CEACAM7: variants seen among roughly 807,000 people sequenced by gnomAD.
CEACAM7 encodes the protein CEA cell adhesion molecule 7.
CEACAM7 carries 24 observed loss-of-function variants against 25.7 expected under a neutral mutation model. The ratio of observed to expected loss-of-function variants is 0.93; its 90% CI spans 0.68 to 1.31. The LOEUF (loss-of-function observed/expected upper bound fraction) is 1.31, where lower values mean the gene tolerates loss of function less well. Among genes scored for constraint, CEACAM7 ranks in the 40% most tolerant of loss-of-function variants. The pLI is 0.00. For synonymous variants in CEACAM7, 144 were observed against 129.4 expected (o/e 1.11, Z -0.77); for missense variants, 324 against 330.1 (o/e 0.98, Z 0.14).
rs782560837 is a variant in CEACAM7, at chr19:41,673,416, A to C, written c.*1360T>G. 1 of 152,244 alleles carries C rather than the reference A, an allele frequency of 6.6e-6. No individual in the cohort carries two copies. The highest frequency in any genetic ancestry group is 1.5e-5 in the Non-Finnish European group (1 of 68,038). 9.4% of individuals were successfully genotyped at this position (152,244 alleles called of 1,614,324 possible). A position where few individuals can be genotyped will look rare whatever the true frequency, so the allele number is the denominator to read the frequency against. On this transcript the variant is annotated 3_prime_UTR_variant, in exon 5 of 5. Coordinates refer to ENST00000401731, the MANE Select transcript of CEACAM7 (RefSeq NM_001291485.2). The stretch of plus-strand genomic sequence containing the variant: ...ACAACAGTAGAACAGTGGGTTTTGT[A>C]AAATGGGAATCCAGGAACAGAAGAA...
Position 41,677,380 on chromosome 19 carries a change from C to G in CEACAM7, c.*32G>C. On this transcript the variant is annotated 3_prime_UTR_variant, in exon 4 of 5. Transcript: ENST00000401731. ...AGGAAAGGTCATAATACCTACCACT[C>G]TTCCCGAAATGCAGAAACTACACCA... 6.6e-7 allele frequency: 1 copy of G among 1,523,030 alleles called. No individual in the cohort carries two copies. The highest frequency in any genetic ancestry group is 9.1e-7 in the Non-Finnish European group (1 of 1,097,160). 94.3% of individuals were successfully genotyped at this position (1,523,030 alleles called of 1,614,324 possible). A position where few individuals can be genotyped will look rare whatever the true frequency, so the allele number is the denominator to read the frequency against.
At chr19:41,687,866 G>A (rs2072244450) in intron 1 of CEACAM7, among the ~76,000 whole-genome samples, 1 of 152,248 alleles carries the variant, frequency 6.6e-6, no homozygotes, top group African/African-American at 2.4e-5. Context: ...ATTTCAAAAT[G>A]TAGCAGCTAG....
chr19:41,677,811 C>A (rs1293581898), intron 3 of CEACAM7, among the ~76,000 whole-genome samples: 2 of 152,096 alleles, frequency 1.3e-5, no homozygotes, highest in Non-Finnish European at 2.9e-5. Context: ...AAACTTCCCA[C>A]TTTTTCATGG....
At chr19:41,687,330 AGTGT>A (rs55639350) in intron 1 of CEACAM7, 109 bp from the exon 2 acceptor site, 213,105 of 770,918 alleles carry the variant, frequency 0.28, 22,361 homozygotes, top group Middle Eastern at 0.36. Context: ...TCTTGAAGTA[AGTGT>A]GTGTGTGTGT....
chr19:41,679,233 C>T (rs1181667380), intron 3 of CEACAM7, among the ~76,000 whole-genome samples: 3 of 152,022 alleles, frequency 2.0e-5, no homozygotes, highest in Non-Finnish European at 4.4e-5. Flanking sequence ...TAATTATATG[C>T]CAACAAGTTA....
chr19:41,682,459 C>T (rs997127756), intron 3 of CEACAM7, among the ~76,000 whole-genome samples: 7 of 152,204 alleles, frequency 4.6e-5, no homozygotes, highest in African/African-American at 1.4e-4. Context: ...CGTCATACAG[C>T]GGGTGACTTC....
At chr19:41,683,753 G>A (rs1555810890) in intron 3 of CEACAM7, 32 bp downstream of exon 3, 2 of 1,611,198 alleles carry the variant, frequency 1.2e-6, no homozygotes, top group African/African-American at 2.7e-5. Context: ...TGGGCTGTCA[G>A]CCTGGGCCAC....
rs950571136 is a variant in CEACAM7 at position 41,673,314 on chromosome 19, A to T, written c.*1462T>A. 6.6e-6 allele frequency: 1 copy of T among 152,156 alleles called. No homozygotes were observed. Among genetic ancestry groups the T allele is most frequent in the Non-Finnish European group, 1.5e-5 (1 of 68,018 alleles). 9.4% of individuals were successfully genotyped at this position (152,156 alleles called of 1,614,324 possible). ...TATAACAAATTCAGTTATAGATACAATTGGCTTTTATTTGTGATTCATGAG... is the reference window on the plus strand; with the variant it reads ...TATAACAAATTCAGTTATAGATACATTTGGCTTTTATTTGTGATTCATGAG... On this transcript the variant is annotated 3_prime_UTR_variant, in exon 5 of 5. Transcript: ENST00000401731.
In CEACAM7 at chr19:41,677,416, A is replaced by G. The variant is rs1600427786; in HGVS notation, c.794T>C (p.Ile265Thr). 6.2e-7 allele frequency: 1 copy of G among 1,610,412 alleles called. No individual in the cohort carries two copies. Among genetic ancestry groups the G allele is most frequent in the Non-Finnish European group, 8.5e-7 (1 of 1,176,590 alleles). ...GCAGAAACTACACCAAGGCTGCTAT[A>G]TCAGAGCCATCCCAGCCAGTACTCC... is the stretch of plus-strand genomic sequence containing the variant. The part of the protein sequence containing the change: ...MIGVLAGMAL[I>T] Residue 265 changes from isoleucine (I) to threonine (T), a missense_variant, in exon 4 of 5, where the codon ATA becomes ACA. Ile to Thr is a moderately conservative substitution (Grantham distance 89). Transcript: ENST00000401731.
At chr19:41,684,173 T>G in intron 2 of CEACAM7, 110 bp from the exon 3 acceptor site, 1 of 1,176,326 alleles carries the variant, frequency 8.5e-7, no homozygotes, top group Admixed American at 2.1e-5. Flanking sequence ...CTCAAGTCCT[T>G]AAAAGCCCAC....
At position 41,674,354 on chromosome 19, in the gene CEACAM7, T is replaced by C. The variant is rs2072093257; in HGVS notation, c.*422A>G. ...ATGACATGACACATCCAACACTCTG[T>C]CAAATTACCTGCACAAGGCGCTGAT... is the stretch of plus-strand genomic sequence containing the variant. On this transcript the variant is annotated 3_prime_UTR_variant, in exon 5 of 5. Coordinates refer to ENST00000401731, the MANE Select transcript of CEACAM7 (RefSeq NM_001291485.2). 1 of 154,264 alleles carries C rather than the reference T, an allele frequency of 6.5e-6. No homozygotes were observed. Among genetic ancestry groups the C allele is most frequent in the African/African-American group, 2.4e-5 (1 of 41,472 alleles). 9.6% of individuals were successfully genotyped at this position (154,264 alleles called of 1,614,324 possible).
chr19:41,683,607 T>C lies in CEACAM7; in HGVS notation c.706+178A>G, dbSNP rs1478604720. Reference sequence around the variant, plus strand: ...AGGACAGGAGCAGCCCCTCCTCTCATATTCTTGGTCAAGGCTGGGTCTGCC... The same window carrying C: ...AGGACAGGAGCAGCCCCTCCTCTCACATTCTTGGTCAAGGCTGGGTCTGCC... On this transcript the variant is annotated intron_variant, in intron 3 of 4. Coordinates refer to ENST00000401731, the MANE Select transcript of CEACAM7 (RefSeq NM_001291485.2). 2.6e-5 allele frequency among the ~76,000 whole-genome samples: 4 copies of C among 152,192 alleles called. No individual in the cohort carries two copies. The East Asian group carries it at 7.7e-4, about 29-fold the overall frequency.
Position 41,687,029 on chromosome 19 carries a change from A to T in CEACAM7, c.257T>A (p.Ile86Lys). ...GGGCCCTGGGGCATTTTCTTGACTT[A>T]TATTTTTTACATATCCTATAATTCG... ...NYRIIGYVKNISQENAPGPAH... is the reference protein window; with the variant it reads ...NYRIIGYVKNKSQENAPGPAH... The change falls in exon 2 of 5, where the codon ATA becomes AAA. Residue 86 changes from isoleucine (I) to lysine (K), a missense_variant. By Grantham distance (102) the Ile-to-Lys change is moderately radical. Transcript: ENST00000401731. 6.2e-7 allele frequency: 1 copy of T among 1,613,858 alleles called. No individual in the cohort carries two copies. The highest frequency in any genetic ancestry group is 8.5e-7 in the Non-Finnish European group (1 of 1,179,934).
At chr19:41,682,485 T>C (rs970793857) in intron 3 of CEACAM7, among the ~76,000 whole-genome samples, 3 of 152,180 alleles carry the variant, frequency 2.0e-5, no homozygotes, top group Admixed American at 1.3e-4. Context: ...CAGGCCACAG[T>C]TCAAGAGTCT....
At position 41,679,968 on chromosome 19, in the gene CEACAM7, AT is replaced by A. The variant is rs35163344; in HGVS notation, c.707-2466del. On this transcript the variant is annotated intron_variant, in intron 3 of 4. Coordinates refer to ENST00000401731, the MANE Select transcript of CEACAM7 (RefSeq NM_001291485.2). ...AGGCGTGTGCCACCACACCTGGCTA[AT>A]TTTTTTTTTTTTTTTTTTTTTTTTT... Among the ~76,000 whole-genome samples the A allele has an allele frequency of 6.8e-3, 469 of 68,870 alleles. 2 individuals are homozygous for A. The highest frequency in any genetic ancestry group is 0.011 in the African/African-American group (192 of 16,762). 45.2% of individuals were successfully genotyped at this position (68,870 alleles called of 152,430 possible). A position where few individuals can be genotyped will look rare whatever the true frequency, so the allele number is the denominator to read the frequency against.
At chr19:41,676,692 T>C (rs1235618671) in intron 4 of CEACAM7, among the ~76,000 whole-genome samples, 1 of 152,204 alleles carries the variant, frequency 6.6e-6, no homozygotes, top group Non-Finnish European at 1.5e-5. Flanking sequence ...GCTACCGTCT[T>C]TGTCCTCCAC....
At chr19:41,685,213 C>T (rs951284888) in intron 2 of CEACAM7, among the ~76,000 whole-genome samples, 6 of 152,168 alleles carry the variant, frequency 3.9e-5, no homozygotes, top group Non-Finnish European at 8.8e-5. Flanking sequence ...CCTCTGGCCC[C>T]CTGGTGAGTC....
chr19:41,685,361 G>A (rs1555811100), intron 2 of CEACAM7, among the ~76,000 whole-genome samples: 1 of 107,196 alleles, frequency 9.3e-6, no homozygotes, highest in African/African-American at 3.1e-5. Context: ...GGCTGGTCTT[G>A]AACTCCTGGG....
intron 4 of CEACAM7, 96 bp from the exon 5 acceptor site, chr19:41,674,835 ATCTC>A (rs1239779523): frequency 9.6e-5 from 15 of 156,680 alleles, no homozygotes; most frequent in South Asian, 3.8e-4. Flanking sequence ...ATTTTTCTCT[ATCTC>A]TCCCTGTTTC....
Sources: gnomAD v4.1 joint callset for allele counts (sites outside exome capture counted in the v4.1 genomes callset) on GRCh38, gnomAD v4.1.1 for gene constraint, MANE v1.5 for transcripts, NCBI Gene and HGNC (gene_info 2026-07-23, HGNC 2026-07-21) for gene names.